The following CTNNA2 variants were observed in gnomAD, a reference collection of about 807,000 sequenced individuals.
CTNNA2 encodes the protein catenin alpha 2.
In CTNNA2, 42 loss-of-function variants were observed where a neutral mutation model predicts 101.0. The observed-to-expected ratio is 0.42, with a 90% CI of 0.32 to 0.54. The LOEUF (loss-of-function observed/expected upper bound fraction) is 0.54. CTNNA2 is among the 20% of genes least tolerant of loss of function. The pLI, the probability that CTNNA2 is intolerant of heterozygous loss-of-function variation, is 0.14. For synonymous variants in CTNNA2, 450 were observed against 456.4 expected (o/e 0.99, Z 0.18); for missense variants, 871 against 1,223.1 (o/e 0.71, Z 4.29).
chr2:79,660,296 T>G (rs898067282), intron 2 of CTNNA2, among the ~76,000 whole-genome samples: 2 of 150,050 alleles, frequency 1.3e-5, no homozygotes, highest in Non-Finnish European at 3.0e-5. Context: ...TCCATATGTA[T>G]ATACATATGT....
intron 7 of CTNNA2, among the ~76,000 whole-genome samples, chr2:80,074,854 C>T (rs1698573684): frequency 6.6e-6 from 1 of 152,170 alleles, no homozygotes; most frequent in African/African-American, 2.4e-5. Context: ...TTACAAATAT[C>T]TTAGTGACTT....
chr2:80,315,333 A>G (rs896676743), intron 7 of CTNNA2, among the ~76,000 whole-genome samples: 10 of 152,214 alleles, frequency 6.6e-5, no homozygotes, highest in Non-Finnish European at 1.3e-4. Context: ...GTTTCTGGCA[A>G]TATGTGTTGG....
intron 9 of CTNNA2, among the ~76,000 whole-genome samples, chr2:80,530,805 G>T (rs1485667452): frequency 6.6e-6 from 1 of 152,176 alleles, no homozygotes; most frequent in African/African-American, 2.4e-5. Context: ...CCTACCACCT[G>T]GTCTGGGAAT....
chr2:79,987,352 C>G (rs1691839384), intron 7 of CTNNA2, among the ~76,000 whole-genome samples: 2 of 152,176 alleles, frequency 1.3e-5, no homozygotes, highest in South Asian at 4.1e-4. Context: ...CTCATTGAAG[C>G]AGCTTGATGT....
intron 7 of CTNNA2, chr2:80,298,714 C>G (rs1169145081): frequency 1.3e-5 from 2 of 152,240 alleles, no homozygotes; most frequent in African/African-American, 2.4e-5. Flanking sequence ...GGCTCTTCTA[C>G]TTTGATGAGT....
At chr2:79,307,396 C>A (rs1488074557) in intron 2 of CTNNA2, among the ~76,000 whole-genome samples, 2 of 152,160 alleles carry the variant, frequency 1.3e-5, no homozygotes, top group Non-Finnish European at 2.9e-5. Flanking sequence ...TTTCCTCTAC[C>A]TTTAGTATCC....
intron 2 of CTNNA2, among the ~76,000 whole-genome samples, chr2:79,223,579 A>G (rs913843453): frequency 2.6e-5 from 4 of 152,162 alleles, no homozygotes; most frequent in Admixed American, 6.5e-5. Context: ...TCAGTCACCC[A>G]TCAGTAAGAC....
chr2:80,594,767 C>T (rs1025510055), intron 15 of CTNNA2, among the ~76,000 whole-genome samples: 2 of 151,910 alleles, frequency 1.3e-5, no homozygotes, highest in Non-Finnish European at 2.9e-5. Flanking sequence ...TGCCCTTTTC[C>T]AAGACCCAAA....
chr2:80,040,488 G>A (rs1162556525), intron 7 of CTNNA2, among the ~76,000 whole-genome samples: 1 of 152,276 alleles, frequency 6.6e-6, no homozygotes, highest in East Asian at 1.9e-4. Flanking sequence ...ATTTGGCGAT[G>A]CAGTTTTTAA....
chr2:79,505,801 A>G (rs1362926577), intron 5 of CTNNA2, among the ~76,000 whole-genome samples: 1 of 152,218 alleles, frequency 6.6e-6, no homozygotes, highest in Admixed American at 6.5e-5. Context: ...ATTACATTAT[A>G]TTGCATTTAT....
chr2:80,141,449 G>A (rs1703005448), intron 7 of CTNNA2, among the ~76,000 whole-genome samples: 1 of 152,078 alleles, frequency 6.6e-6, no homozygotes, highest in African/African-American at 2.4e-5. Context: ...GGCATATTGT[G>A]AGGGAGGGAG....
At chr2:79,319,839 A>C (rs1183088319) in intron 3 of CTNNA2, 1 of 152,174 alleles carries the variant, frequency 6.6e-6, no homozygotes, top group Admixed American at 6.5e-5. Context: ...TGGAAAAAGC[A>C]AGAAGCAGGA....
intron 5 of CTNNA2, chr2:79,505,324 T>A (rs1214876077): frequency 6.6e-6 from 1 of 152,224 alleles, no homozygotes; most frequent in Non-Finnish European, 1.5e-5. Context: ...TTATTTTAAA[T>A]TCTACGTGTT....
intron 9 of CTNNA2, among the ~76,000 whole-genome samples, chr2:80,430,923 C>G (rs995094972): frequency 6.6e-6 from 1 of 152,148 alleles, no homozygotes; most frequent in East Asian, 1.9e-4. Flanking sequence ...TATTATGCAG[C>G]TACCTCAGAA....
chr2:79,899,678 A>G lies in CTNNA2; in HGVS notation c.853-9916A>G, dbSNP rs913722268. Among the ~76,000 whole-genome samples, 49 of 152,266 alleles carry G rather than the reference A, an allele frequency of 3.2e-4. 1 individual carries two copies. Among genetic ancestry groups the G allele is most frequent in the Non-Finnish European group, 1.2e-4 (8 of 68,048 alleles). Reference sequence around the variant, plus strand: ...ATTAAACTGAACTGTTTAATTACAAATAACATCTTAAGTAGATAAATGGCA... The same window carrying G: ...ATTAAACTGAACTGTTTAATTACAAGTAACATCTTAAGTAGATAAATGGCA... On this transcript the variant is annotated intron_variant, in intron 6 of 18. Coordinates refer to ENST00000402739, the MANE Select transcript of CTNNA2 (RefSeq NM_001282597.3).
intron 7 of CTNNA2, among the ~76,000 whole-genome samples, chr2:80,353,390 G>T (rs890603875): frequency 1.3e-5 from 2 of 152,112 alleles, no homozygotes; most frequent in Non-Finnish European, 1.5e-5. Context: ...ATTGTCTTCT[G>T]TTGTCAAATA....
At chr2:79,865,430 A>G (rs1334653412) in intron 4 of CTNNA2, among the ~76,000 whole-genome samples, 1 of 152,230 alleles carries the variant, frequency 6.6e-6, no homozygotes, top group African/African-American at 2.4e-5. Context: ...TTTACATATG[A>G]TCCATTAAAT....
At chr2:79,519,098 G>A (rs1292425023) in intron 1 of CTNNA2, among the ~76,000 whole-genome samples, 3 of 151,754 alleles carry the variant, frequency 2.0e-5, no homozygotes, top group East Asian at 3.9e-4. Context: ...GCATGGTGAC[G>A]GGCGACTGTA....
At chr2:79,823,094 A>G (rs907126447) in intron 3 of CTNNA2, among the ~76,000 whole-genome samples, 1 of 152,154 alleles carries the variant, frequency 6.6e-6, no homozygotes, top group African/African-American at 2.4e-5. Context: ...AGATGCTCCC[A>G]TCATAGCATC....
Sources: gnomAD v4.1 joint callset for allele counts (sites outside exome capture counted in the v4.1 genomes callset) on GRCh38, gnomAD v4.1.1 for gene constraint, MANE v1.5 for transcripts, NCBI Gene and HGNC (gene_info 2026-07-23, HGNC 2026-07-21) for gene names.